CHRM3: variants seen among roughly 807,000 people sequenced by gnomAD.
The protein encoded by CHRM3 is muscarinic acetylcholine receptor M3.
A neutral mutation model predicts 41.8 loss-of-function variants in CHRM3; 11 were observed. That is an observed-to-expected ratio of 0.26 (90% CI 0.17 to 0.44). The LOEUF (loss-of-function observed/expected upper bound fraction) is 0.44, where lower values mean the gene tolerates loss of function less well. Among genes scored for constraint, CHRM3 ranks in the 20% least tolerant of loss-of-function variants. The pLI is 1.00. For missense variants in CHRM3, 571 were observed against 745.4 expected (o/e 0.77, Z 2.72); for synonymous variants, 297 against 301.4 (o/e 0.99, Z 0.15).
At chr1:239,513,543 A>G (rs1436281207) in intron 2 of CHRM3, among the ~76,000 whole-genome samples, 2 of 152,144 alleles carry the variant, frequency 1.3e-5, no homozygotes, top group Non-Finnish European at 2.9e-5. Flanking sequence ...TATCCGATAC[A>G]TGTTTTGCAA....
intron 1 of CHRM3, among the ~76,000 whole-genome samples, chr1:239,458,973 C>T (rs749622854): frequency 2.6e-5 from 4 of 152,148 alleles, no homozygotes; most frequent in Non-Finnish European, 5.9e-5. Flanking sequence ...TGAAATGGCA[C>T]ATTGTATTGA....
intron 5 of CHRM3, among the ~76,000 whole-genome samples, chr1:239,818,474 A>G (rs925814265): frequency 6.6e-5 from 10 of 152,136 alleles, no homozygotes; most frequent in Admixed American, 6.5e-4. Flanking sequence ...CTTGGTGTCC[A>G]GTCTTTAAAG....
intron 4 of CHRM3, among the ~76,000 whole-genome samples, chr1:239,658,017 C>G (rs1672867438): frequency 6.6e-6 from 1 of 152,020 alleles, no homozygotes; most frequent in African/African-American, 2.4e-5. Context: ...TTAAGTGGTC[C>G]AGTCTGTGCC....
chr1:239,399,385 C>T (rs1659772242), intron 1 of CHRM3, among the ~76,000 whole-genome samples: 1 of 149,322 alleles, frequency 6.7e-6, no homozygotes. Context: ...ATTCTCTTAG[C>T]AGTTATCACG....
chr1:239,488,962 G>T (rs1207471521), intron 1 of CHRM3, among the ~76,000 whole-genome samples: 1 of 152,080 alleles, frequency 6.6e-6, no homozygotes, highest in Non-Finnish European at 1.5e-5. Context: ...GTTTGGGAAG[G>T]TTTGAAATTT....
intron 3 of CHRM3, among the ~76,000 whole-genome samples, chr1:239,581,849 T>C (rs1335056361): frequency 6.6e-6 from 1 of 152,214 alleles, no homozygotes; most frequent in Non-Finnish European, 1.5e-5. Flanking sequence ...ACTTTGCTTT[T>C]CTGAATAGAA....
At chr1:239,419,494 A>G (rs1463949545) in intron 1 of CHRM3, among the ~76,000 whole-genome samples, 1 of 152,034 alleles carries the variant, frequency 6.6e-6, no homozygotes, top group Non-Finnish European at 1.5e-5. Context: ...GGTTTGTGAC[A>G]ATATGTACAA....
chr1:239,759,243 A>G (rs1171501185), intron 5 of CHRM3, among the ~76,000 whole-genome samples: 1 of 144,620 alleles, frequency 6.9e-6, no homozygotes, highest in Non-Finnish European at 1.5e-5. Context: ...CAGAGATGAA[A>G]CTCATATTTG....
intron 1 of CHRM3, among the ~76,000 whole-genome samples, chr1:239,479,568 T>C (rs947243246): frequency 2.0e-5 from 3 of 152,140 alleles, no homozygotes; most frequent in African/African-American, 7.2e-5. Context: ...TATTATTAGG[T>C]GAACAGCATA....
At chr1:239,903,147 A>G (rs17599398) in intron 6 of CHRM3, among the ~76,000 whole-genome samples, 2,072 of 152,300 alleles carry the variant, frequency 0.014, 29 homozygotes, top group South Asian at 0.039. Flanking sequence ...CAAACAAAGC[A>G]TAATTGGACT....
chr1:239,780,236 C>T (rs1025835518), intron 5 of CHRM3, among the ~76,000 whole-genome samples: 6 of 152,148 alleles, frequency 3.9e-5, no homozygotes, highest in Non-Finnish European at 7.4e-5. Context: ...TGCCATTTTG[C>T]GTTCCTGTTG....
chr1:239,804,969 C>T (rs1670515328), intron 5 of CHRM3, among the ~76,000 whole-genome samples: 1 of 152,182 alleles, frequency 6.6e-6, no homozygotes, highest in Non-Finnish European at 1.5e-5. Context: ...AGATCATTAA[C>T]TCATTTCCAT....
At chr1:239,437,040 C>T (rs948863700) in intron 1 of CHRM3, among the ~76,000 whole-genome samples, 4 of 152,076 alleles carry the variant, frequency 2.6e-5, no homozygotes, top group East Asian at 1.9e-4. Flanking sequence ...AAAAAAATGA[C>T]GCTACACTGT....
At chr1:239,628,925 T>G (rs1669379325) in intron 3 of CHRM3, 1 of 69,912 alleles carries the variant, frequency 1.4e-5, no homozygotes, top group Non-Finnish European at 2.8e-5. Flanking sequence ...CAGGGACACT[T>G]AAGTCTGCAG....
At chr1:239,462,758 T>C (rs1665451346) in intron 1 of CHRM3, among the ~76,000 whole-genome samples, 2 of 152,250 alleles carry the variant, frequency 1.3e-5, no homozygotes, top group South Asian at 4.1e-4. Context: ...AGCTCAAGTT[T>C]ACTTAACAAC....
At chr1:239,783,383 A>G (rs1668649961) in intron 5 of CHRM3, among the ~76,000 whole-genome samples, 1 of 152,174 alleles carries the variant, frequency 6.6e-6, no homozygotes, top group Non-Finnish European at 1.5e-5. Flanking sequence ...ATGTGTATCT[A>G]TGTTGAAAAT....
chr1:239,725,363 AT>A (rs1663339118), intron 5 of CHRM3, among the ~76,000 whole-genome samples: 1 of 151,894 alleles, frequency 6.6e-6, no homozygotes, highest in African/African-American at 2.4e-5. Flanking sequence ...AAAAGCCTGC[AT>A]ATACAAATTA....
At chr1:239,553,962 C>T (rs1303276907) in intron 3 of CHRM3, among the ~76,000 whole-genome samples, 2 of 152,088 alleles carry the variant, frequency 1.3e-5, no homozygotes, top group Non-Finnish European at 2.9e-5. Flanking sequence ...GATCTCGGTT[C>T]AGTACAACCT....
intron 2 of CHRM3, among the ~76,000 whole-genome samples, chr1:239,509,418 T>C (rs1194183341): frequency 6.6e-6 from 1 of 152,176 alleles, no homozygotes; most frequent in Admixed American, 6.5e-5. Context: ...AGAATTTCTA[T>C]CCAATGGCAT....
Sources: gnomAD v4.1 joint callset for allele counts (sites outside exome capture counted in the v4.1 genomes callset) on GRCh38, gnomAD v4.1.1 for gene constraint, MANE v1.5 for transcripts, NCBI Gene and HGNC (gene_info 2026-07-23, HGNC 2026-07-21) for gene names.